KLRD1: variants seen among roughly 807,000 people sequenced by gnomAD.
KLRD1 encodes the protein natural killer cells antigen CD94.
Under a neutral mutation model 22.6 loss-of-function variants are expected in KLRD1, and 21 were observed. That is an observed-to-expected ratio of 0.93 (90% confidence interval 0.66 to 1.34). The LOEUF (loss-of-function observed/expected upper bound fraction) is 1.34. KLRD1 is among the 40% of genes most tolerant of loss of function. KLRD1 has a pLI of 0.00. For synonymous variants in KLRD1, 59 were observed against 71.1 expected (o/e 0.83, Z 0.85); for missense variants, 183 against 208.6 (o/e 0.88, Z 0.76).
intron 1 of KLRD1, among the ~76,000 whole-genome samples, chr12:10,243,029 C>T (rs1050753847): frequency 2.0e-5 from 3 of 151,908 alleles, no homozygotes; most frequent in Non-Finnish European, 4.4e-5. Flanking sequence ...AAGCCAAGCA[C>T]AGAAAGACAA....
intron 1 of KLRD1, among the ~76,000 whole-genome samples, chr12:10,260,569 G>A (rs1233080394): frequency 2.0e-5 from 3 of 152,076 alleles, no homozygotes; most frequent in East Asian, 1.9e-4. Context: ...TTGGGAGGCC[G>A]AGGTGGGTGG....
rs1950209026 is a variant in KLRD1 at position 10,315,679 on chromosome 12, CTAT to C, written c.*887_*889del. 6.6e-6 allele frequency: 1 copy of C among 152,302 alleles called. No homozygotes were observed. Among genetic ancestry groups the C allele is most frequent in the African/African-American group, 2.4e-5 (1 of 41,392 alleles). The allele number at this position is 152,302 out of a possible 1,614,324, so 9.4% of individuals were successfully genotyped here. A position where few individuals can be genotyped will look rare whatever the true frequency, so the allele number is the denominator to read the frequency against. Reference sequence around the variant, plus strand: ...GATTATCAATATTTTTTTCCACCAACTATCCTATACCCCTGACCTCCTTTCATT... The same window carrying C: ...GATTATCAATATTTTTTTCCACCAACCCTATACCCCTGACCTCCTTTCATT... On this transcript the variant is annotated 3_prime_UTR_variant, in exon 6 of 6. Coordinates refer to ENST00000336164, the MANE Select transcript of KLRD1 (RefSeq NM_002262.5).
rs1950310009 is a variant in KLRD1 at position 10,321,291 on chromosome 12, C to CT, written c.*6500dup. The stretch of plus-strand genomic sequence containing the variant: ...CTCTAGTATTGTTAATTTCACAAGC[C>CT]TTCACATGGAGAAAAATGATACTCA... On this transcript the variant is annotated 3_prime_UTR_variant, in exon 6 of 6. Coordinates refer to ENST00000336164, the MANE Select transcript of KLRD1 (RefSeq NM_002262.5). 1 of 152,154 alleles carries CT rather than the reference C, an allele frequency of 6.6e-6. No homozygotes were observed. The highest frequency in any genetic ancestry group is 1.5e-5 in the Non-Finnish European group (1 of 68,030). The allele number at this position is 152,154 out of a possible 1,614,324, so 9.4% of individuals were successfully genotyped here. A position where few individuals can be genotyped will look rare whatever the true frequency, so the allele number is the denominator to read the frequency against.
chr12:10,320,662 A>G lies in KLRD1; in HGVS notation c.*5869A>G, dbSNP rs1175342006. The G allele has an allele frequency of 6.6e-6, 1 of 152,224 alleles. No individual in the cohort carries two copies. The highest frequency in any genetic ancestry group is 2.4e-5 in the African/African-American group (1 of 41,456). The allele number at this position is 152,224 out of a possible 1,614,324, so 9.4% of individuals were successfully genotyped here. A position where few individuals can be genotyped will look rare whatever the true frequency, so the allele number is the denominator to read the frequency against. On this transcript the variant is annotated 3_prime_UTR_variant, in exon 6 of 6. Transcript: ENST00000336164. ...TGGACTCTCAAATGTTAGCATGTCA[A>G]AAATGCTAAAATTGAGAAATAGATT...
At chr12:10,278,652 C>T (rs1023234645) in intron 1 of KLRD1, among the ~76,000 whole-genome samples, 1 of 152,180 alleles carries the variant, frequency 6.6e-6, no homozygotes, top group African/African-American at 2.4e-5. Flanking sequence ...TTTAAAAACA[C>T]TTACTGCTAT....
At chr12:10,250,243 A>AGTT (rs10674639) in intron 1 of KLRD1, among the ~76,000 whole-genome samples, 126,028 of 130,374 alleles carry the variant, frequency 0.97, 61,062 homozygotes, top group East Asian at 1. Flanking sequence ...GGCTGTTATG[A>AGTT]GTGCTGGAAA....
At chr12:10,251,592 T>C (rs2137620039) in intron 1 of KLRD1, among the ~76,000 whole-genome samples, 1 of 152,216 alleles carries the variant, frequency 6.6e-6, no homozygotes, top group East Asian at 1.9e-4. Flanking sequence ...TTGTGCACTT[T>C]ATTTCTATTA....
intron 1 of KLRD1, among the ~76,000 whole-genome samples, chr12:10,244,815 AAAAC>A (rs761201745): frequency 5.3e-5 from 8 of 151,732 alleles, no homozygotes; most frequent in Non-Finnish European, 1.2e-4. Flanking sequence ...AAAAAAAACC[AAAAC>A]AAACAAAAAA....
intron 1 of KLRD1, among the ~76,000 whole-genome samples, chr12:10,253,567 C>T (rs1200233008): frequency 1.4e-4 from 8 of 55,900 alleles, no homozygotes. Context: ...TCTCCCTTCT[C>T]TCACCCTATC....
chr12:10,296,791 C>A (rs1949826202), intron 1 of KLRD1, among the ~76,000 whole-genome samples: 1 of 152,180 alleles, frequency 6.6e-6, no homozygotes. Flanking sequence ...CCGGCCCCTG[C>A]AGTACTGGGA....
intron 1 of KLRD1, among the ~76,000 whole-genome samples, chr12:10,258,690 G>A (rs924659258): frequency 1.3e-5 from 2 of 152,140 alleles, no homozygotes; most frequent in Non-Finnish European, 2.9e-5. Context: ...ATATGTCTCA[G>A]GGGGAGGAAA....
At chr12:10,281,455 G>A (rs34362619) in intron 1 of KLRD1, among the ~76,000 whole-genome samples, 1,720 of 152,184 alleles carry the variant, frequency 0.011, 41 homozygotes, top group African/African-American at 0.039. Context: ...GGGATATAGC[G>A]CTCTAACAGA....
At chr12:10,246,055 T>C (rs934367506) in intron 1 of KLRD1, among the ~76,000 whole-genome samples, 5 of 152,204 alleles carry the variant, frequency 3.3e-5, no homozygotes, top group Non-Finnish European at 5.9e-5. Context: ...ATACAATGCA[T>C]TTCATCTCAT....
intron 1 of KLRD1, among the ~76,000 whole-genome samples, chr12:10,255,564 A>G (rs1180575542): frequency 6.6e-6 from 1 of 152,072 alleles, no homozygotes. Flanking sequence ...GATATTTTCT[A>G]ATTTCCCTTG....
chr12:10,260,154 A>G (rs551536776), intron 1 of KLRD1, among the ~76,000 whole-genome samples: 14 of 33,388 alleles, frequency 4.2e-4, no homozygotes, highest in African/African-American at 6.1e-4. Context: ...GTATAACTAA[A>G]TGCTCATATC....
At chr12:10,263,627 C>T (rs1464338542) in intron 1 of KLRD1, among the ~76,000 whole-genome samples, 1 of 151,986 alleles carries the variant, frequency 6.6e-6, no homozygotes, top group African/African-American at 2.4e-5. Context: ...TGTCCAATAA[C>T]AAAATCTTAT....
At chr12:10,269,516 C>T (rs1017803003) in intron 1 of KLRD1, among the ~76,000 whole-genome samples, 3 of 152,186 alleles carry the variant, frequency 2.0e-5, no homozygotes, top group African/African-American at 7.2e-5. Context: ...GATTAGCTTA[C>T]TTATTTTGTC....
At chr12:10,239,109 G>A (rs1486406111) in intron 1 of KLRD1, among the ~76,000 whole-genome samples, 1 of 152,156 alleles carries the variant, frequency 6.6e-6, no homozygotes, top group Non-Finnish European at 1.5e-5. Flanking sequence ...TCACTTAACT[G>A]TTTTAGCTTA....
chr12:10,264,809 TC>T (rs1949485083), intron 1 of KLRD1, among the ~76,000 whole-genome samples: 1 of 152,104 alleles, frequency 6.6e-6, no homozygotes, highest in African/African-American at 2.4e-5. Flanking sequence ...ATTTTATTCG[TC>T]TTTTAACTGA....
Sources: gnomAD v4.1 joint callset for allele counts (sites outside exome capture counted in the v4.1 genomes callset) on GRCh38, gnomAD v4.1.1 for gene constraint, MANE v1.5 for transcripts, NCBI Gene and HGNC (gene_info 2026-07-23, HGNC 2026-07-21) for gene names.